B3GALT1: variants seen among roughly 807,000 people sequenced by gnomAD.
B3GALT1 encodes the protein UDP-Gal:betaGlcNAc beta 1,3-galactosyltransferase, polypeptide 1.
A neutral mutation model predicts 23.2 loss-of-function variants in B3GALT1; 10 were observed. The ratio of observed to expected loss-of-function variants is 0.43; its 90% CI spans 0.27 to 0.73. B3GALT1 has a LOEUF of 0.73. Ranked by LOEUF, B3GALT1 falls within the 30% of genes least tolerant of loss-of-function variation. The pLI is 0.21. For missense variants in B3GALT1, 299 were observed against 405.4 expected, an observed-to-expected ratio of 0.74 and a Z score of 2.25; for synonymous variants, 156 against 141.5, an observed-to-expected ratio of 1.10 and a Z score of -0.73.
chr2:167,482,419 A>C (rs1305477709), intron 1 of B3GALT1, among the ~76,000 whole-genome samples: 4 of 152,220 alleles, frequency 2.6e-5, no homozygotes, highest in African/African-American at 9.6e-5. Flanking sequence ...TAACTCTTTC[A>C]GGACACCAGA....
chr2:167,657,295 G>A (rs1685971539), intron 3 of B3GALT1, among the ~76,000 whole-genome samples: 1 of 152,000 alleles, frequency 6.6e-6, no homozygotes, highest in South Asian at 2.1e-4. Flanking sequence ...TGAATCCTCG[G>A]GACTGGCTGA....
intron 2 of B3GALT1, among the ~76,000 whole-genome samples, chr2:167,642,636 G>A (rs1685672963): frequency 6.6e-6 from 1 of 152,126 alleles, no homozygotes; most frequent in African/African-American, 2.4e-5. Context: ...CAGCACTTTG[G>A]CACTTCATCT....
intron 1 of B3GALT1, among the ~76,000 whole-genome samples, chr2:167,396,532 ATATGTG>A (rs773029822): frequency 6.0e-3 from 480 of 79,534 alleles, no homozygotes; most frequent in Admixed American, 0.012. Context: ...ATATATATAT[ATATGTG>A]TGTGTGTGTG....
chr2:167,393,496 T>G (rs1698051811), intron 1 of B3GALT1, among the ~76,000 whole-genome samples: 1 of 152,126 alleles, frequency 6.6e-6, no homozygotes, highest in African/African-American at 2.4e-5. Context: ...AACAAAGACA[T>G]ATTAGAAAAC....
intron 1 of B3GALT1, among the ~76,000 whole-genome samples, chr2:167,375,614 T>C (rs1697750830): frequency 6.6e-6 from 1 of 152,164 alleles, no homozygotes; most frequent in Admixed American, 6.6e-5. Context: ...TAAATGGGAT[T>C]ATGTTCTTGA....
chr2:167,330,067 A>G (rs1049958992), intron 1 of B3GALT1, among the ~76,000 whole-genome samples: 1 of 152,096 alleles, frequency 6.6e-6, no homozygotes, highest in Non-Finnish European at 1.5e-5. Context: ...ATCTCTTGCT[A>G]GACTTGGGAA....
intron 2 of B3GALT1, among the ~76,000 whole-genome samples, chr2:167,533,519 T>G (rs910028342): frequency 6.6e-6 from 1 of 152,226 alleles, no homozygotes; most frequent in African/African-American, 2.4e-5. Context: ...TGTCATGATC[T>G]ATTATCCTTT....
At chr2:167,844,379 G>A (rs558113940) in intron 4 of B3GALT1, among the ~76,000 whole-genome samples, 24 of 152,230 alleles carry the variant, frequency 1.6e-4, no homozygotes, top group East Asian at 1.2e-3. Context: ...TGAAGGAAGC[G>A]GACTGCTCCT....
chr2:167,867,494 T>C (rs1009667140), intron 4 of B3GALT1, among the ~76,000 whole-genome samples: 1 of 152,188 alleles, frequency 6.6e-6, no homozygotes, highest in Non-Finnish European at 1.5e-5. Flanking sequence ...ACTGAGTTAT[T>C]GCTGGTCTCA....
intron 1 of B3GALT1, among the ~76,000 whole-genome samples, chr2:167,383,480 T>C (rs1638955812): frequency 6.6e-6 from 1 of 152,264 alleles, no homozygotes; most frequent in Non-Finnish European, 1.5e-5. Flanking sequence ...GCAGAGGTGG[T>C]CACTGACCTT....
intron 2 of B3GALT1, among the ~76,000 whole-genome samples, chr2:167,553,017 A>G (rs1683776500): frequency 1.3e-5 from 2 of 152,144 alleles, no homozygotes; most frequent in African/African-American, 4.8e-5. Context: ...TTCGGGGGGT[A>G]CTATTTTATC....
rs1242349230 is a variant in B3GALT1 at position 167,664,040 on chromosome 2, C to A, written c.-352+17074C>A. ...TTTAGACATGAAGTCCTTGCCCATGCCTATGTCCTGAATGGTAATGCCTAG... is the reference window on the plus strand; with the variant it reads ...TTTAGACATGAAGTCCTTGCCCATGACTATGTCCTGAATGGTAATGCCTAG... On this transcript the variant is annotated intron_variant, in intron 3 of 4. Coordinates refer to ENST00000392690, the MANE Select transcript of B3GALT1 (RefSeq NM_020981.4). Among the ~76,000 whole-genome samples, 3 of 150,792 alleles carry A rather than the reference C, an allele frequency of 2.0e-5. 1 individual carries two copies. Among genetic ancestry groups the A allele is most frequent in the African/African-American group, 7.4e-5 (3 of 40,354 alleles).
chr2:167,507,500 G>A lies in B3GALT1; in HGVS notation c.-410+17223G>A, dbSNP rs777507379. ...CAGCCTGGAGACAGAGGAAGACTCC[G>A]TCTCAAAAAAAAAAAAAAAAAAAAA... On this transcript the variant is annotated intron_variant, in intron 2 of 4. Transcript: ENST00000392690. Among the ~76,000 whole-genome samples, 111 of 87,154 alleles carry A rather than the reference G, an allele frequency of 1.3e-3. 1 individual carries two copies. Among genetic ancestry groups the A allele is most frequent in the Non-Finnish European group, 1.9e-3 (94 of 50,110 alleles). 57.2% of individuals were successfully genotyped at this position (87,154 alleles called of 152,430 possible). A position where few individuals can be genotyped will look rare whatever the true frequency, so the allele number is the denominator to read the frequency against.
At chr2:167,546,835 G>A (rs1379381060) in intron 2 of B3GALT1, among the ~76,000 whole-genome samples, 1 of 152,112 alleles carries the variant, frequency 6.6e-6, no homozygotes, top group African/African-American at 2.4e-5. Flanking sequence ...CAACCTAAAG[G>A]AGTATGAAGC....
intron 1 of B3GALT1, among the ~76,000 whole-genome samples, chr2:167,412,247 G>GC (rs1486978867): frequency 1.9e-4 from 29 of 152,192 alleles, no homozygotes; most frequent in Admixed American, 1.6e-3. Context: ...AAGTAATAAA[G>GC]AAGTAAATCG....
chr2:167,407,357 T>C (rs1419785110), intron 1 of B3GALT1, among the ~76,000 whole-genome samples: 2 of 151,990 alleles, frequency 1.3e-5, no homozygotes, highest in Non-Finnish European at 2.9e-5. Flanking sequence ...AAGAGCGAAG[T>C]TGATAGCAAT....
intron 2 of B3GALT1, among the ~76,000 whole-genome samples, chr2:167,508,346 C>T (rs1014533976): frequency 6.6e-6 from 1 of 150,620 alleles, no homozygotes; most frequent in Admixed American, 6.6e-5. Flanking sequence ...GCAAGCTCTG[C>T]CTCCCGGATT....
intron 1 of B3GALT1, among the ~76,000 whole-genome samples, chr2:167,302,029 T>C (rs906834451): frequency 3.1e-4 from 47 of 152,122 alleles, no homozygotes; most frequent in Admixed American, 2.0e-3. Context: ...TCAGAGACAT[T>C]TGTAGTAGTG....
Position 167,496,870 on chromosome 2 carries a change from C to T in B3GALT1, c.-410+6593C>T, listed in dbSNP as rs190622529. Reference sequence around the variant, plus strand: ...ACTCTGTAACCCTGAAGAAGGCTCTCACCAGAACCCAACCATGCTGGCACC... The same window carrying T: ...ACTCTGTAACCCTGAAGAAGGCTCTTACCAGAACCCAACCATGCTGGCACC... On this transcript the variant is annotated intron_variant, in intron 2 of 4. Transcript: ENST00000392690. 3.3e-5 allele frequency among the ~76,000 whole-genome samples: 5 copies of T among 152,260 alleles called. No homozygotes were observed. The East Asian group carries it at 9.7e-4, about 29-fold the overall frequency.
Sources: allele counts gnomAD v4.1 joint callset (sites outside exome capture counted in the v4.1 genomes callset), GRCh38; gene constraint gnomAD v4.1.1; transcripts MANE v1.5; gene names NCBI Gene and HGNC (gene_info 2026-07-23, HGNC 2026-07-21).